GPA33: variants seen among roughly 807,000 people sequenced by gnomAD.
GPA33 encodes cell surface A33 antigen.
Under a neutral mutation model 35.6 loss-of-function variants are expected in GPA33, and 27 were observed. The observed-to-expected ratio is 0.76, with a 90% CI of 0.56 to 1.04. The LOEUF is 1.04. GPA33 is among the 50% of genes least tolerant of loss of function. GPA33 has a pLI of 0.00. For synonymous variants in GPA33, 176 were observed against 164.0 expected (o/e 1.07, Z -0.56); for missense variants, 428 against 411.9 (o/e 1.04, Z -0.34).
At chr1:167,088,408 G>A (rs1476677441) in intron 1 of GPA33, among the ~76,000 whole-genome samples, 1 of 152,188 alleles carries the variant, frequency 6.6e-6, no homozygotes, top group Non-Finnish European at 1.5e-5. Context: ...CGACCACCAA[G>A]CCTGGCTTCT....
chr1:167,063,191 G>T (rs1056743376), intron 4 of GPA33, among the ~76,000 whole-genome samples: 1 of 152,216 alleles, frequency 6.6e-6, no homozygotes, highest in African/African-American at 2.4e-5. Flanking sequence ...ACTTTGAGAG[G>T]CTGAGGCGGG....
chr1:167,085,166 G>C (rs1041648225), intron 1 of GPA33, among the ~76,000 whole-genome samples: 1 of 152,274 alleles, frequency 6.6e-6, no homozygotes, highest in Middle Eastern at 3.4e-3. Flanking sequence ...AGGTGGAGGT[G>C]GATGTAGAGT....
Position 167,063,662 on chromosome 1 carries a change from G to A in GPA33, c.491C>T (p.Ser164Leu). Reference sequence around the variant, plus strand: ...CTGAGGGGTTGGTGAGCCCTCCTTTGATTGGCAGGTCAGCTGGATGTTGTT... The same window carrying A: ...CTGAGGGGTTGGTGAGCCCTCCTTTAATTGGCAGGTCAGCTGGATGTTGTT... ...IGNNIQLTCQ[S>L]KEGSPTPQYS... is the part of the protein sequence containing the mutation. The change falls in exon 4 of 7, where the codon TCA becomes TTA. Residue 164 changes from serine (S) to leucine (L), a missense_variant. Ser to Leu is a moderately radical substitution (Grantham distance 145). Coordinates refer to ENST00000367868, the MANE Select transcript of GPA33 (RefSeq NM_005814.3). 1 of 1,613,672 alleles carries A rather than the reference G, an allele frequency of 6.2e-7. No homozygotes were observed. The highest frequency in any genetic ancestry group is 8.5e-7 in the Non-Finnish European group (1 of 1,179,898).
At chr1:167,063,154 G>A (rs539225538) in intron 4 of GPA33, among the ~76,000 whole-genome samples, 5 of 152,320 alleles carry the variant, frequency 3.3e-5, no homozygotes, top group African/African-American at 4.8e-5. Flanking sequence ...CTGGCCGGGC[G>A]CGATGGCTCA....
intron 1 of GPA33, among the ~76,000 whole-genome samples, chr1:167,076,310 G>A (rs866059579): frequency 3.3e-5 from 5 of 152,130 alleles, no homozygotes; most frequent in South Asian, 4.1e-4. Context: ...AAGAGATGCC[G>A]GGCTGTCTAC....
At chr1:167,055,930 T>G in intron 4 of GPA33, 81 bp from the exon 5 acceptor site, 1 of 1,449,644 alleles carries the variant, frequency 6.9e-7, no homozygotes, top group Non-Finnish European at 9.6e-7. Flanking sequence ...CTGGACTCCT[T>G]GGGAAGCACA....
At position 167,054,352 on chromosome 1, in the gene GPA33, C is replaced by T. The variant is rs750060636; in HGVS notation, c.942G>A (p.Pro314=). The part of the protein sequence containing the change: ...EEQRSTGRES[P]DHLDQ ...TGGCCTGTCACTGGTCGAGGTGGTCCGGGGATTCACGCCCAGTGCTCCTCT... is the reference window on the plus strand; with the variant it reads ...TGGCCTGTCACTGGTCGAGGTGGTCTGGGGATTCACGCCCAGTGCTCCTCT... The change falls in exon 7 of 7, where the codon CCG becomes CCA. Residue 314 remains proline, a synonymous_variant. Coordinates refer to ENST00000367868, the MANE Select transcript of GPA33 (RefSeq NM_005814.3). 8.1e-6 allele frequency: 13 copies of T among 1,613,924 alleles called. No homozygotes were observed. Among genetic ancestry groups the T allele is most frequent in the African/African-American group, 5.3e-5 (4 of 74,894 alleles).
chr1:167,089,283 A>T (rs911437486), intron 1 of GPA33, among the ~76,000 whole-genome samples: 6 of 152,144 alleles, frequency 3.9e-5, no homozygotes, highest in Non-Finnish European at 8.8e-5. Context: ...TATGCTAAAA[A>T]GTGAGCTCTA....
chr1:167,072,017 A>G (rs1173267887), intron 2 of GPA33, among the ~76,000 whole-genome samples: 1 of 152,132 alleles, frequency 6.6e-6, no homozygotes, highest in Non-Finnish European at 1.5e-5. Context: ...TCGCTCCTAC[A>G]AGCTAAAGGC....
At chr1:167,087,686 G>A (rs888213810) in intron 1 of GPA33, among the ~76,000 whole-genome samples, 1 of 152,148 alleles carries the variant, frequency 6.6e-6, no homozygotes, top group Non-Finnish European at 1.5e-5. Flanking sequence ...GGAGGCTGAG[G>A]CGGGCTTATT....
At chr1:167,058,673 T>A (rs1666364421) in intron 4 of GPA33, 1 of 152,190 alleles carries the variant, frequency 6.6e-6, no homozygotes, top group Non-Finnish European at 1.5e-5. Context: ...ATCCTAGAAT[T>A]CCACGCCTCA....
intron 1 of GPA33, among the ~76,000 whole-genome samples, chr1:167,087,257 TGTA>T (rs10551925): frequency 0.39 from 58,948 of 151,790 alleles, 12,024 homozygotes; most frequent in East Asian, 0.72. Context: ...ACTAATTTTC[TGTA>T]ACTTACATTC....
chr1:167,072,080 A>C (rs1157582627), intron 2 of GPA33, among the ~76,000 whole-genome samples: 6 of 152,176 alleles, frequency 3.9e-5, no homozygotes, highest in Non-Finnish European at 2.9e-5. Context: ...CAGTCGGGAC[A>C]GGTGGCTATG....
chr1:167,066,559 C>T lies in GPA33; in HGVS notation c.415+2363G>A, dbSNP rs937384921. On this transcript the variant is annotated intron_variant, in intron 3 of 6. Transcript: ENST00000367868. The stretch of plus-strand genomic sequence containing the variant: ...CACTAAGGTCTCTCCCCTCAGCCTT[C>T]CACCGTCAAAAACAGGTAGGACCTC... 1.1e-4 allele frequency among the ~76,000 whole-genome samples: 17 copies of T among 152,326 alleles called. 1 individual carries two copies. In the South Asian group the frequency reaches 1.5e-3, roughly 13 times the overall value.
chr1:167,074,874 G>A (rs941859524), intron 1 of GPA33, among the ~76,000 whole-genome samples: 4 of 151,278 alleles, frequency 2.6e-5, no homozygotes, highest in African/African-American at 9.7e-5. Context: ...ATGCCCTGGA[G>A]AGATTTAAGC....
chr1:167,056,575 GGC>G (rs1666261899), intron 4 of GPA33, among the ~76,000 whole-genome samples: 1 of 9,262 alleles, frequency 1.1e-4, no homozygotes, highest in Non-Finnish European at 3.2e-4. Context: ...TGGTGTGTGT[GGC>G]ATATGTGTGG....
chr1:167,082,687 A>G (rs954146589), intron 1 of GPA33, among the ~76,000 whole-genome samples: 13 of 152,118 alleles, frequency 8.5e-5, no homozygotes, highest in African/African-American at 3.1e-4. Context: ...GCAGATGGAG[A>G]TACATTGGTG....
chr1:167,079,186 G>T (rs1666878333), intron 1 of GPA33, among the ~76,000 whole-genome samples: 1 of 152,062 alleles, frequency 6.6e-6, no homozygotes, highest in South Asian at 2.1e-4. Context: ...GAATGAATAA[G>T]AAAGAGCTCA....
intron 4 of GPA33, among the ~76,000 whole-genome samples, chr1:167,063,024 G>A (rs1407473631): frequency 2.6e-5 from 4 of 152,218 alleles, no homozygotes; most frequent in Non-Finnish European, 5.9e-5. Flanking sequence ...AGAGAACTGA[G>A]GAATGAGGAA....
Sources: allele counts gnomAD v4.1 joint callset (sites outside exome capture counted in the v4.1 genomes callset), GRCh38; gene constraint gnomAD v4.1.1; transcripts MANE v1.5; gene names NCBI Gene and HGNC (gene_info 2026-07-23, HGNC 2026-07-21).